The following ZNF560 variants were observed in gnomAD, a reference collection of about 807,000 sequenced individuals.
The protein encoded by ZNF560 is zinc finger protein 560.
In ZNF560, 54 loss-of-function variants were observed where a neutral mutation model predicts 81.8. That is an observed-to-expected ratio of 0.66 (90% CI 0.53 to 0.83). The LOEUF (loss-of-function observed/expected upper bound fraction) is 0.83, where lower values mean the gene tolerates loss of function less well. Ranked by LOEUF, ZNF560 falls within the 40% of genes least tolerant of loss-of-function variation. The probability of loss-of-function intolerance (pLI) is 0.00; values close to 1 mark genes in which losing one functional copy is unlikely to be tolerated. For missense variants in ZNF560, 940 were observed against 932.4 expected, an observed-to-expected ratio of 1.01 and a Z score of -0.11; for synonymous variants, 321 against 317.9, an observed-to-expected ratio of 1.01 and a Z score of -0.10.
At chr19:9,473,110 AC>A in intron 5 of ZNF560, 68 bp downstream of exon 5, 1 of 1,255,862 alleles carries the variant, frequency 8.0e-7, no homozygotes, top group South Asian at 1.2e-5. Flanking sequence ...CAACACAAGA[AC>A]AGACTAACAC....
chr19:9,469,507 C>T, intron 8 of ZNF560, 123 bp downstream of exon 8: 1 of 835,708 alleles, frequency 1.2e-6, no homozygotes. Context: ...GTTAAGATAT[C>T]CCAAAACATC....
At chr19:9,486,468 G>A (rs530087155) in intron 2 of ZNF560, among the ~76,000 whole-genome samples, 21 of 152,300 alleles carry the variant, frequency 1.4e-4, no homozygotes, top group Non-Finnish European at 2.4e-4. Context: ...GGCTGGGCAC[G>A]GTGGCTTACA....
intron 5 of ZNF560, 76 bp downstream of exon 5, chr19:9,473,103 C>T (rs2073147493): frequency 6.6e-6 from 8 of 1,205,708 alleles, no homozygotes; most frequent in East Asian, 2.4e-5. Context: ...TTTCTTGCAA[C>T]ACAAGAACAG....
chr19:9,450,209 T>A, the ZNF560 span, among the ~76,000 whole-genome samples: 2 of 151,594 alleles, frequency 1.3e-5, no homozygotes, highest in Non-Finnish European at 2.9e-5. Flanking sequence ...GAGAATCATT[T>A]GAACCCGGGA....
intron 2 of ZNF560, among the ~76,000 whole-genome samples, chr19:9,481,010 G>T (rs549980178): frequency 6.6e-6 from 1 of 151,214 alleles, no homozygotes; most frequent in South Asian, 2.1e-4. Context: ...CTTGAGCCCA[G>T]GAGAGAGAGG....
upstream of ZNF560, among the ~76,000 whole-genome samples, chr19:9,502,337 G>A (rs754274210): frequency 6.6e-6 from 1 of 151,390 alleles, no homozygotes; most frequent in Non-Finnish European, 1.5e-5. Context: ...TCAGCCTCCC[G>A]AGTAGCTGGG....
the ZNF560 span, among the ~76,000 whole-genome samples, chr19:9,450,248 G>A: frequency 7.9e-5 from 12 of 151,316 alleles, no homozygotes; most frequent in Non-Finnish European, 1.5e-4. Flanking sequence ...CCGAGATCGC[G>A]CTATTGCACT....
rs778159394 is a variant in ZNF560 at position 9,470,568 on chromosome 19, T to A, written c.322-50A>T. On this transcript the variant is annotated intron_variant, in intron 6 of 9. Transcript: ENST00000301480. ...TTGAGCCAAGCAACATCTCCACCAATGTTGGCTGAAGAATGAGGAAGGGGG... is the reference window on the plus strand; with the variant it reads ...TTGAGCCAAGCAACATCTCCACCAAAGTTGGCTGAAGAATGAGGAAGGGGG... 6 of 1,613,860 alleles carry A rather than the reference T, an allele frequency of 3.7e-6. No individual in the cohort carries two copies. In the South Asian group the frequency reaches 4.4e-5, roughly 12 times the overall value.
intron 2 of ZNF560, among the ~76,000 whole-genome samples, chr19:9,489,364 G>A (rs1420134811): frequency 2.6e-5 from 4 of 151,858 alleles, no homozygotes; most frequent in Non-Finnish European, 4.4e-5. Flanking sequence ...CCCAGACAGG[G>A]TGGTGGCCAG....
At chr19:9,468,535 T>C (rs373031680) in intron 9 of ZNF560, among the ~76,000 whole-genome samples, 1 of 152,178 alleles carries the variant, frequency 6.6e-6, no homozygotes, top group Non-Finnish European at 1.5e-5. Flanking sequence ...CTTGGCAAGA[T>C]TCCTGTAGCT....
intron 2 of ZNF560, among the ~76,000 whole-genome samples, chr19:9,492,915 T>A (rs1156356104): frequency 1.3e-5 from 2 of 152,218 alleles, no homozygotes; most frequent in Non-Finnish European, 2.9e-5. Flanking sequence ...GGGGCAACTA[T>A]TTATTTGGTC....
Position 9,467,746 on chromosome 19 carries a change from C to A in ZNF560, c.1201G>T (p.Glu401Ter), listed in dbSNP as rs748917354. Residue 401 changes from glutamate (E) to a stop codon, truncating the protein, a stop_gained, in exon 10 of 10, where the codon GAG becomes TAG. Transcript: ENST00000301480. LOFTEE classifies it high-confidence loss of function. ...FLEHVRTHTG[E>*]KPYGCKECGK... ...CATTCCTTACACCCATAGGGCTTCT[C>A]TCCAGTGTGAGTTCGTACATGTTCA... The A allele has an allele frequency of 1.9e-6, 3 of 1,614,042 alleles. No individual in the cohort carries two copies. Among genetic ancestry groups the A allele is most frequent in the Non-Finnish European group, 2.5e-6 (3 of 1,180,040 alleles).
the ZNF560 span, among the ~76,000 whole-genome samples, chr19:9,451,861 G>A: frequency 6.0e-4 from 91 of 152,228 alleles, 1 homozygote; most frequent in African/African-American, 2.1e-3. Context: ...GATAACTTGA[G>A]TTCAGGAGTT....
the ZNF560 span, among the ~76,000 whole-genome samples, chr19:9,461,315 T>C: frequency 1.5e-4 from 23 of 152,332 alleles, no homozygotes; most frequent in African/African-American, 5.5e-4. Flanking sequence ...GAACTCTTCC[T>C]TGTTTAATAC....
chr19:9,448,513 G>A, the ZNF560 span, among the ~76,000 whole-genome samples: 1 of 148,816 alleles, frequency 6.7e-6, no homozygotes, highest in Admixed American at 6.8e-5. Context: ...GAGATTACAA[G>A]CATGAGCCAC....
the ZNF560 span, among the ~76,000 whole-genome samples, chr19:9,506,279 C>T: frequency 2.0e-5 from 3 of 152,136 alleles, no homozygotes; most frequent in African/African-American, 7.2e-5. Flanking sequence ...AGGAGTGAGC[C>T]ACTGCACCCA....
chr19:9,448,415 T>A, the ZNF560 span, among the ~76,000 whole-genome samples: 1 of 147,730 alleles, frequency 6.8e-6, no homozygotes, highest in Non-Finnish European at 1.5e-5. Flanking sequence ...TTTTTTTTTT[T>A]AGTGGAGACA....
chr19:9,455,222 A>G, the ZNF560 span, among the ~76,000 whole-genome samples: 1 of 152,170 alleles, frequency 6.6e-6, no homozygotes, highest in Non-Finnish European at 1.5e-5. Flanking sequence ...ATGAGTTTAA[A>G]CAGGCTATCA....
At position 9,474,282 on chromosome 19, in the gene ZNF560, T is replaced by C; in HGVS notation, c.74A>G (p.Glu25Gly). 1 of 1,614,114 alleles carries C rather than the reference T, an allele frequency of 6.2e-7. No individual in the cohort carries two copies. Among genetic ancestry groups the C allele is most frequent in the Non-Finnish European group, 8.5e-7 (1 of 1,179,994 alleles). Residue 25 changes from glutamate to glycine, a missense_variant, in exon 4 of 10, where the codon GAG becomes GGG. Transcript: ENST00000301480. ...FEDTAVDFTQ[E>G]EWILLDPVQR... ...AACTGGGTCCAGTAAAATCCACTCC[T>C]CCTGGGTGAAGTCCACAGCTGTATC...
Sources: allele counts gnomAD v4.1 joint callset (sites outside exome capture counted in the v4.1 genomes callset), GRCh38; gene constraint gnomAD v4.1.1; transcripts MANE v1.5; gene names NCBI Gene and HGNC (gene_info 2026-07-23, HGNC 2026-07-21).